NAV2: variants seen among roughly 807,000 people sequenced by gnomAD.
NAV2 encodes the protein helicase, APC down-regulated 1.
In NAV2, 54 loss-of-function variants were observed where a neutral mutation model predicts 223.2. The ratio of observed to expected loss-of-function variants is 0.24; its 90% CI spans 0.19 to 0.30. The LOEUF is 0.30. NAV2 is among the 10% of genes least tolerant of loss of function. NAV2 has a pLI of 1.00. For missense variants in NAV2, 2,806 were observed against 3,147.5 expected (o/e 0.89, Z 2.60); for synonymous variants, 1,279 against 1,239.3 (o/e 1.03, Z -0.67).
rs564420624 is a variant in NAV2 at position 19,402,223 on chromosome 11, C to T, written c.75+51196C>T. On this transcript the variant is annotated intron_variant, in intron 1 of 37. Transcript: ENST00000360655. ...GAGGAGCATGGACTCTGGAGCAAGA[C>T]CACCTGGTTCAAATCTAGGTTTGCT... 1.4e-4 allele frequency among the ~76,000 whole-genome samples: 21 copies of T among 152,298 alleles called. No individual in the cohort carries two copies. The South Asian group carries it at 4.1e-3, about 30-fold the overall frequency.
At chr11:20,002,094 C>T (rs1024334771) in intron 11 of NAV2, among the ~76,000 whole-genome samples, 7 of 152,160 alleles carry the variant, frequency 4.6e-5, no homozygotes, top group Non-Finnish European at 2.9e-5. Context: ...TGTACGTTCA[C>T]ATGGCAGAAA....
chr11:19,945,622 G>A (rs569050950), intron 8 of NAV2, among the ~76,000 whole-genome samples: 17 of 152,300 alleles, frequency 1.1e-4, no homozygotes, highest in Admixed American at 3.3e-4. Flanking sequence ...GGGATTATAG[G>A]CGTGAGCCAC....
intron 2 of NAV2, among the ~76,000 whole-genome samples, chr11:19,837,961 A>G (rs2060318365): frequency 6.6e-6 from 1 of 152,220 alleles, no homozygotes. Context: ...TAAGCATAAG[A>G]AGCAAAGGGC....
chr11:19,536,325 T>C (rs2044188389), intron 1 of NAV2, among the ~76,000 whole-genome samples: 1 of 152,186 alleles, frequency 6.6e-6, no homozygotes, highest in Non-Finnish European at 1.5e-5. Flanking sequence ...GACTGCACTA[T>C]GCTGGCTGGA....
rs546762172 is a variant in NAV2, at chr11:19,654,217, A to C, written c.76-178267A>C. 8.8e-3 allele frequency among the ~76,000 whole-genome samples: 1,348 copies of C among 152,322 alleles called. 18 individuals are homozygous for C. The highest frequency in any genetic ancestry group is 0.031 in the African/African-American group (1,276 of 41,568). On this transcript the variant is annotated intron_variant, in intron 1 of 37. Coordinates refer to the NAV2 transcript ENST00000360655. ...AAGGACCTCTTCAAGGAGAACTACA[A>C]ACCACTGCTCAACAAAATAAAAGAG...
chr11:19,409,488 C>G (rs1850048416), intron 1 of NAV2, among the ~76,000 whole-genome samples: 1 of 152,132 alleles, frequency 6.6e-6, no homozygotes, highest in African/African-American at 2.4e-5. Flanking sequence ...TTAGATAGCT[C>G]TTGGCTGCTT....
intron 1 of NAV2, among the ~76,000 whole-genome samples, chr11:19,768,249 G>A (rs903821019): frequency 1.3e-5 from 2 of 152,130 alleles, no homozygotes; most frequent in Admixed American, 1.3e-4. Context: ...TGTTCTCATC[G>A]GGAAGGAGAG....
intron 5 of NAV2, among the ~76,000 whole-genome samples, chr11:19,883,104 C>G (rs1431984429): frequency 6.6e-6 from 1 of 152,164 alleles, no homozygotes; most frequent in Admixed American, 6.5e-5. Context: ...TTGATGCAAA[C>G]CCCCCACATG....
intron 1 of NAV2, among the ~76,000 whole-genome samples, chr11:19,647,242 G>A (rs2047842320): frequency 6.6e-6 from 1 of 152,198 alleles, no homozygotes; most frequent in Non-Finnish European, 1.5e-5. Context: ...CTCCCAGGCT[G>A]ATGGGTTTCC....
chr11:19,484,080 C>T (rs1275521634), intron 1 of NAV2, among the ~76,000 whole-genome samples: 2 of 151,694 alleles, frequency 1.3e-5, no homozygotes, highest in East Asian at 3.9e-4. Context: ...ACACTGATCT[C>T]CATCTCCTCC....
chr11:19,731,710 C>CCGAT (rs1314484434), intron 1 of NAV2, among the ~76,000 whole-genome samples: 1 of 152,156 alleles, frequency 6.6e-6, no homozygotes, highest in Non-Finnish European at 1.5e-5. Flanking sequence ...TGGGCATGGG[C>CCGAT]CGATCATTTA....
intron 31 of NAV2, among the ~76,000 whole-genome samples, chr11:20,099,484 C>T (rs994859723): frequency 2.0e-5 from 3 of 152,190 alleles, no homozygotes; most frequent in South Asian, 2.1e-4. Flanking sequence ...TCTAGTGGAG[C>T]GTGCCACCCC....
chr11:19,616,619 C>T (rs79623812), intron 1 of NAV2, among the ~76,000 whole-genome samples: 3,583 of 152,022 alleles, frequency 0.024, 54 homozygotes, highest in Middle Eastern at 0.051. Context: ...GGTTGCTCCA[C>T]GTGCCCTGAT....
intron 11 of NAV2, chr11:20,022,943 G>A: frequency 7.5e-7 from 1 of 1,330,794 alleles, no homozygotes; most frequent in Non-Finnish European, 1.0e-6. Flanking sequence ...CCTGGCCTGG[G>A]GAATGGTGAT....
At chr11:19,463,170 A>G (rs71488709) in intron 1 of NAV2, among the ~76,000 whole-genome samples, 13,361 of 152,318 alleles carry the variant, frequency 0.088, 670 homozygotes, top group Admixed American at 0.13. Flanking sequence ...TATTTTGAGG[A>G]TTAATAATGC....
intron 1 of NAV2, among the ~76,000 whole-genome samples, chr11:19,437,757 C>T (rs1851264598): frequency 6.6e-6 from 1 of 152,198 alleles, no homozygotes; most frequent in Admixed American, 6.5e-5. Flanking sequence ...ATTCTCATCA[C>T]TTCAAATGTT....
Position 19,654,196 on chromosome 11 carries a change from A to C in NAV2, c.76-178288A>C, listed in dbSNP as rs560875097. On this transcript the variant is annotated intron_variant, in intron 1 of 37. Transcript: ENST00000360655. ...ATCCAACTTACAAGGGATGTGAAGG[A>C]CCTCTTCAAGGAGAACTACAAACCA... is the stretch of plus-strand genomic sequence containing the variant. 6.0e-4 allele frequency among the ~76,000 whole-genome samples: 92 copies of C among 152,314 alleles called. No homozygotes were observed. In the South Asian group the frequency reaches 0.019, roughly 31 times the overall value.
chr11:19,948,148 C>G (rs1186796353), intron 9 of NAV2, among the ~76,000 whole-genome samples: 2 of 151,892 alleles, frequency 1.3e-5, no homozygotes, highest in Admixed American at 6.6e-5. Context: ...TGCAGTGATG[C>G]AATCTCAGCT....
At chr11:19,696,265 T>C (rs957211913) in intron 1 of NAV2, among the ~76,000 whole-genome samples, 4 of 152,258 alleles carry the variant, frequency 2.6e-5, no homozygotes, top group African/African-American at 9.6e-5. Flanking sequence ...CATTTCCCAG[T>C]GTTCCCATCT....
Sources: allele counts gnomAD v4.1 joint callset (sites outside exome capture counted in the v4.1 genomes callset), GRCh38; gene constraint gnomAD v4.1.1; transcripts MANE v1.5; gene names NCBI Gene and HGNC (gene_info 2026-07-23, HGNC 2026-07-21).